Variants in OR51B5 observed in about 807,000 individuals in gnomAD.
The protein encoded by OR51B5 is olfactory receptor family 51 subfamily B member 5, also known as olfactory receptor 51B5.
For missense variants in OR51B5, 456 were observed against 374.6 expected, an observed-to-expected ratio of 1.22 and a Z score of -1.79; for synonymous variants, 186 against 144.8, an observed-to-expected ratio of 1.28 and a Z score of -2.04.
chr11:5,341,064 AT>A (rs1380319140), downstream of OR51B5: 1 of 152,218 alleles, frequency 6.6e-6, no homozygotes, highest in African/African-American at 2.4e-5. Context: ...TTCTTTCACA[AT>A]TACATCTCTT....
intron 1 of OR51B5, chr11:5,440,822 T>C (rs200066495): frequency 1.9e-6 from 3 of 1,613,894 alleles, no homozygotes; most frequent in South Asian, 1.1e-5. Context: ...GTTCCTGGGA[T>C]ATGATGACCA....
At chr11:5,400,241 ATGG>A (rs1339900242) in intron 1 of OR51B5, among the ~76,000 whole-genome samples, 1 of 152,216 alleles carries the variant, frequency 6.6e-6, no homozygotes, top group Non-Finnish European at 1.5e-5. Context: ...GTATCAGAGC[ATGG>A]TAAGTGTCCA....
rs1050935271 is a variant in OR51B5, at chr11:5,478,523, C to G, written n.84+27046G>C. ...AAAGCTGGATGGAGAATGACTTTGACGAGCTGAGAGAAGAAGGCTTCAGAC... is the reference window on the plus strand; with the variant it reads ...AAAGCTGGATGGAGAATGACTTTGAGGAGCTGAGAGAAGAAGGCTTCAGAC... On this transcript the variant is annotated intron_variant and non_coding_transcript_variant, in intron 1 of 4. Coordinates refer to the OR51B5 transcript ENST00000415970. Among the ~76,000 whole-genome samples, 212 of 137,860 alleles carry G rather than the reference C, an allele frequency of 1.5e-3. 3 individuals carry two copies. The East Asian group carries it at 0.035, about 22-fold the overall frequency. 90.4% of individuals were successfully genotyped at this position (137,860 alleles called of 152,430 possible). A position where few individuals can be genotyped will look rare whatever the true frequency, so the allele number is the denominator to read the frequency against.
chr11:5,449,151 CTTTTTCA>C (rs954145852), intron 1 of OR51B5, among the ~76,000 whole-genome samples: 5 of 152,178 alleles, frequency 3.3e-5, no homozygotes, highest in African/African-American at 1.2e-4. Flanking sequence ...TTGCTAAGTT[CTTTTTCA>C]GCTAAAAGAG....
At chr11:5,454,236 G>A (rs777142148) in intron 1 of OR51B5, 59 of 1,614,018 alleles carry the variant, frequency 3.7e-5, no homozygotes, top group Non-Finnish European at 2.5e-6. Flanking sequence ...GGCTGTACTT[G>A]CATTTTATGT....
Position 5,459,671 on chromosome 11 carries a change from C to T in OR51B5, n.84+45898G>A, listed in dbSNP as rs530497500. 1.4e-4 allele frequency among the ~76,000 whole-genome samples: 22 copies of T among 151,996 alleles called. No individual in the cohort carries two copies. In the South Asian group the frequency reaches 4.3e-3, roughly 30 times the overall value. On this transcript the variant is annotated intron_variant and non_coding_transcript_variant, in intron 1 of 4. Coordinates refer to the OR51B5 transcript ENST00000415970. Reference sequence around the variant, plus strand: ...TCTTTAGGGAAATGCAAGTCAAAACCACAATGGGATGCCATCTCCCATCAG... The same window carrying T: ...TCTTTAGGGAAATGCAAGTCAAAACTACAATGGGATGCCATCTCCCATCAG...
chr11:5,353,038 T>C (rs4243957), intron 1 of OR51B5, among the ~76,000 whole-genome samples: 40,112 of 151,524 alleles, frequency 0.26, 5,564 homozygotes, highest in African/African-American at 0.31. Context: ...CATTTTTGGC[T>C]TCAGACATAC....
intron 1 of OR51B5, among the ~76,000 whole-genome samples, chr11:5,504,484 C>T (rs1034813825): frequency 5.3e-5 from 8 of 152,178 alleles, no homozygotes; most frequent in African/African-American, 1.9e-4. Context: ...CCTTCCACAA[C>T]TCAGATTTGA....
At chr11:5,421,434 G>C (rs538892555) in intron 1 of OR51B5, among the ~76,000 whole-genome samples, 3 of 152,232 alleles carry the variant, frequency 2.0e-5, no homozygotes, top group Non-Finnish European at 4.4e-5. Context: ...GAATTAATAC[G>C]AGTTATCCAC....
intron 1 of OR51B5, among the ~76,000 whole-genome samples, chr11:5,420,478 GATAA>G (rs1850316563): frequency 6.6e-6 from 1 of 151,672 alleles, no homozygotes; most frequent in Non-Finnish European, 1.5e-5. Context: ...TATTTTTCTT[GATAA>G]ATATTGATAT....
chr11:5,372,659 T>C (rs1849463993), intron 1 of OR51B5, among the ~76,000 whole-genome samples: 1 of 152,226 alleles, frequency 6.6e-6, no homozygotes, highest in Admixed American at 6.5e-5. Flanking sequence ...ATTTTGGGTA[T>C]TAGACTTGTA....
At chr11:5,343,928 C>G (rs1228249085), upstream of OR51B5, among the ~76,000 whole-genome samples, 1 of 152,210 alleles carries the variant, frequency 6.6e-6, no homozygotes, top group African/African-American at 2.4e-5. Flanking sequence ...TGGTCTACCA[C>G]CTAAACCTGT....
intron 1 of OR51B5, among the ~76,000 whole-genome samples, chr11:5,358,744 A>G (rs1205598223): frequency 6.6e-6 from 1 of 152,206 alleles, no homozygotes; most frequent in Non-Finnish European, 1.5e-5. Context: ...AAAAACCTCA[A>G]TAAAATACTG....
chr11:5,498,092 G>T (rs389754), intron 1 of OR51B5, among the ~76,000 whole-genome samples: 5 of 152,168 alleles, frequency 3.3e-5, no homozygotes, highest in South Asian at 2.1e-4. Context: ...CAGCTAGTGA[G>T]GCCTCCCTAA....
chr11:5,418,877 T>TAAAAAA (rs10636129), intron 1 of OR51B5, among the ~76,000 whole-genome samples: 18,297 of 133,418 alleles, frequency 0.14, 1,700 homozygotes, highest in Non-Finnish European at 0.18. Context: ...TGAAGTATTA[T>TAAAAAA]AAAAAAAAAA....
chr11:5,422,712 G>A (rs1265157996), intron 1 of OR51B5: 3 of 1,613,964 alleles, frequency 1.9e-6, no homozygotes, highest in Non-Finnish European at 2.5e-6. Context: ...CTGCCTTTCT[G>A]CCACTCCCAC....
chr11:5,357,482 C>G (rs886517569), intron 1 of OR51B5, among the ~76,000 whole-genome samples: 4 of 152,064 alleles, frequency 2.6e-5, no homozygotes, highest in Admixed American at 1.3e-4. Flanking sequence ...AAAGCAAGTC[C>G]TTAGAGACCT....
upstream of OR51B5, chr11:5,343,580 G>A: frequency 1.6e-6 from 1 of 639,278 alleles, no homozygotes; most frequent in Non-Finnish European, 2.8e-6. Context: ...ACAGTGCACA[G>A]TTCTACCTTC....
intron 1 of OR51B5, among the ~76,000 whole-genome samples, chr11:5,474,583 G>T (rs1258040272): frequency 6.6e-6 from 1 of 152,084 alleles, no homozygotes; most frequent in African/African-American, 2.4e-5. Flanking sequence ...TTTTCCTCTT[G>T]TTTGTTGTTT....
Sources: allele counts gnomAD v4.1 joint callset (sites outside exome capture counted in the v4.1 genomes callset), GRCh38; gene constraint gnomAD v4.1.1; transcripts MANE v1.5; gene names NCBI Gene and HGNC (gene_info 2026-07-23, HGNC 2026-07-21).